The following WDFY3 variants were observed in gnomAD, a reference collection of about 807,000 sequenced individuals.
The protein encoded by WDFY3 is WD repeat and FYVE domain-containing protein 3.
In WDFY3, 66 loss-of-function variants were observed where a neutral mutation model predicts 409.6. The observed-to-expected ratio is 0.16, with a 90% CI of 0.13 to 0.20. WDFY3 has a LOEUF of 0.20. Ranked by LOEUF, WDFY3 falls within the 10% of genes least tolerant of loss-of-function variation. The probability of loss-of-function intolerance (pLI) is 1.00; values close to 1 mark genes in which losing one functional copy is unlikely to be tolerated. For missense variants in WDFY3, 3,031 were observed against 4,298.1 expected (o/e 0.71, Z 8.24); for synonymous variants, 1,521 against 1,537.1 (o/e 0.99, Z 0.25).
chr4:84,892,590 T>C (rs761585599), intron 3 of WDFY3, among the ~76,000 whole-genome samples: 55 of 152,194 alleles, frequency 3.6e-4, no homozygotes, highest in Non-Finnish European at 7.1e-4. Flanking sequence ...AAGCCTCTCA[T>C]ATAGATCTCC....
chr4:84,835,490 A>T (rs1309706248), intron 7 of WDFY3, among the ~76,000 whole-genome samples: 4 of 152,204 alleles, frequency 2.6e-5, no homozygotes, highest in Admixed American at 2.0e-4. Flanking sequence ...AAAGCTCTGA[A>T]GTCGTGGGGT....
rs536166450 is a variant in WDFY3 at position 84,779,690 on chromosome 4, G to C, written c.4365+418C>G. ...AAAGATGGTGGGGTGTGAGGTGGAG[G>C]GGAGAGAGAAGGAAACAGGGAGAGC... is the stretch of plus-strand genomic sequence containing the variant. On this transcript the variant is annotated intron_variant, in intron 26 of 67. Transcript: ENST00000295888. Among the ~76,000 whole-genome samples, 2 of 152,232 alleles carry C rather than the reference G, an allele frequency of 1.3e-5. 1 individual carries two copies. The highest frequency in any genetic ancestry group is 4.2e-4 in the South Asian group (2 of 4,818).
chr4:84,891,585 G>A (rs1202552561), intron 3 of WDFY3, among the ~76,000 whole-genome samples: 4 of 152,012 alleles, frequency 2.6e-5, no homozygotes, highest in Admixed American at 2.0e-4. Flanking sequence ...AGAACACCAT[G>A]ATAAATATAA....
At chr4:84,820,260 A>G (rs1753868285) in intron 11 of WDFY3, 74 bp from the exon 12 acceptor site, 2 of 1,229,506 alleles carry the variant, frequency 1.6e-6, no homozygotes, top group South Asian at 2.9e-5. Context: ...TTACTGTAAT[A>G]ATTTCTTTAT....
At chr4:84,732,566 C>T (rs55865385) in intron 44 of WDFY3, among the ~76,000 whole-genome samples, 19,250 of 152,124 alleles carry the variant, frequency 0.13, 1,443 homozygotes, top group South Asian at 0.26. Context: ...AACCTTCATT[C>T]TACTCTGTTT....
intron 3 of WDFY3, among the ~76,000 whole-genome samples, chr4:84,877,440 C>A (rs1456949617): frequency 6.6e-6 from 1 of 152,084 alleles, no homozygotes; most frequent in Non-Finnish European, 1.5e-5. Flanking sequence ...CTCAAACCAT[C>A]ATCCCACCTC....
intron 3 of WDFY3, among the ~76,000 whole-genome samples, chr4:84,888,810 C>A (rs1441144414): frequency 6.6e-6 from 1 of 150,902 alleles, no homozygotes; most frequent in Non-Finnish European, 1.5e-5. Flanking sequence ...ACACAGGAAT[C>A]AGCAAACACT....
At chr4:84,907,791 A>G (rs1767242010) in intron 2 of WDFY3, among the ~76,000 whole-genome samples, 2 of 152,140 alleles carry the variant, frequency 1.3e-5, no homozygotes, top group South Asian at 4.1e-4. Context: ...AATAAGACTC[A>G]CTGTCTTACA....
chr4:84,796,857 AT>A (rs200861661), intron 18 of WDFY3, 105 bp from the exon 19 acceptor site: 1,059 of 906,296 alleles, frequency 1.2e-3, no homozygotes, highest in Middle Eastern at 1.8e-3. Flanking sequence ...ATAGACAATA[AT>A]TTTTTTTTAA....
intron 2 of WDFY3, among the ~76,000 whole-genome samples, 164 bp from the exon 3 acceptor site, chr4:84,897,174 G>A (rs992320714): frequency 4.6e-5 from 7 of 152,092 alleles, no homozygotes; most frequent in African/African-American, 9.7e-5. Context: ...TCTGATGCCC[G>A]GAAGCCACAC....
intron 2 of WDFY3, among the ~76,000 whole-genome samples, chr4:84,913,527 G>C (rs1768059607): frequency 1.3e-5 from 2 of 152,250 alleles, no homozygotes; most frequent in Admixed American, 1.3e-4. Context: ...GGAATTAACA[G>C]AAGACAACTT....
chr4:84,683,737 C>CAGATCTACTTAATAGGA (rs1375538226), intron 63 of WDFY3, among the ~76,000 whole-genome samples: 5 of 152,322 alleles, frequency 3.3e-5, no homozygotes, highest in African/African-American at 9.6e-5. Flanking sequence ...GTAGCACTAC[C>CAGATCTACTTAATAGGA]AGATCTACTT....
chr4:84,677,211 A>T lies in WDFY3; in HGVS notation c.10445T>A (p.Leu3482His). The part of the protein sequence containing the change: ...RRHHCRNCGQ[L>H]FCQKCSRFQS... ...TATCTTATCTTACTTCTGGCAGAAG[A>T]GCTGACCACAGTTCCTGCAATGGTG... is the stretch of plus-strand genomic sequence containing the variant. The change falls in exon 67 of 68, where the codon CTC (leucine) becomes CAC (histidine). Residue 3482 changes from leucine to histidine, a missense_variant. Physicochemically the swap from Leu to His is moderately conservative, Grantham distance 99 (BLOSUM62 -3). Coordinates refer to ENST00000295888, the MANE Select transcript of WDFY3 (RefSeq NM_014991.6). The T allele has an allele frequency of 6.2e-7, 1 of 1,614,202 alleles. No individual in the cohort carries two copies. Among genetic ancestry groups the T allele is most frequent in the Non-Finnish European group, 8.5e-7 (1 of 1,180,026 alleles).
At chr4:84,673,108 T>A in intron 67 of WDFY3, 117 bp from the exon 68 acceptor site, 1 of 1,349,882 alleles carries the variant, frequency 7.4e-7, no homozygotes. Flanking sequence ...CCATACTGGT[T>A]TGTGTTGTGT....
intron 2 of WDFY3, among the ~76,000 whole-genome samples, chr4:84,911,495 G>GT (rs1767781833): frequency 6.6e-6 from 1 of 151,746 alleles, no homozygotes; most frequent in Admixed American, 6.6e-5. Flanking sequence ...TCTTAAAAAA[G>GT]AAAAAAGGGC....
chr4:84,877,055 C>A (rs1205988065), intron 3 of WDFY3, among the ~76,000 whole-genome samples: 2 of 152,162 alleles, frequency 1.3e-5, no homozygotes, highest in African/African-American at 4.8e-5. Flanking sequence ...GTATCTGGTA[C>A]ATAGCAGAAC....
intron 3 of WDFY3, among the ~76,000 whole-genome samples, chr4:84,862,011 C>T (rs1760713672): frequency 6.6e-6 from 1 of 152,154 alleles, no homozygotes; most frequent in Non-Finnish European, 1.5e-5. Context: ...AATTTTGCTA[C>T]AGAACCACAT....
chr4:84,746,775 A>G (rs983274850), intron 36 of WDFY3, among the ~76,000 whole-genome samples: 1 of 152,140 alleles, frequency 6.6e-6, no homozygotes, highest in Non-Finnish European at 1.5e-5. Context: ...CAGGGCTTAT[A>G]TATATACATT....
intron 3 of WDFY3, among the ~76,000 whole-genome samples, chr4:84,882,532 T>C (rs1304439978): frequency 6.6e-6 from 1 of 152,096 alleles, no homozygotes; most frequent in Non-Finnish European, 1.5e-5. Flanking sequence ...ATGTATATTA[T>C]GTATATATAA....
Sources: gnomAD v4.1 joint callset for allele counts (sites outside exome capture counted in the v4.1 genomes callset) on GRCh38, gnomAD v4.1.1 for gene constraint, MANE v1.5 for transcripts, NCBI Gene and HGNC (gene_info 2026-07-23, HGNC 2026-07-21) for gene names.